HCRTR2: variants seen among roughly 807,000 people sequenced by gnomAD.
The protein encoded by HCRTR2 is hypocretin receptor 2.
A neutral mutation model predicts 49.0 loss-of-function variants in HCRTR2; 22 were observed. That is an observed-to-expected ratio of 0.45 (90% CI 0.32 to 0.64). The LOEUF is 0.64. Among genes scored for constraint, HCRTR2 ranks in the 30% least tolerant of loss-of-function variants. The pLI, the probability that HCRTR2 is intolerant of heterozygous loss-of-function variation, is 0.04. For synonymous variants in HCRTR2, 236 were observed against 205.3 expected (o/e 1.15, Z -1.28); for missense variants, 491 against 559.4 (o/e 0.88, Z 1.23).
At chr6:55,254,682 TC>T (rs1766615653) in intron 2 of HCRTR2, among the ~76,000 whole-genome samples, 1 of 151,966 alleles carries the variant, frequency 6.6e-6, no homozygotes, top group African/African-American at 2.4e-5. Flanking sequence ...ATAATTTCAA[TC>T]AAATTTCTAT....
intron 5 of HCRTR2, 133 bp downstream of exon 5, chr6:55,277,733 C>A: frequency 1.4e-6 from 1 of 718,222 alleles, no homozygotes; most frequent in South Asian, 1.6e-5. Context: ...GGCCAGATGA[C>A]TCAGTTATGT....
At chr6:55,142,200 A>T (rs1561984952) in intron 1 of HCRTR2, among the ~76,000 whole-genome samples, 1 of 151,564 alleles carries the variant, frequency 6.6e-6, no homozygotes, top group East Asian at 1.9e-4. Flanking sequence ...TTTAAAAAAA[A>T]ATTTTTTTTT....
At chr6:55,157,046 A>T (rs1438686109) in intron 1 of HCRTR2, among the ~76,000 whole-genome samples, 4 of 152,140 alleles carry the variant, frequency 2.6e-5, no homozygotes, top group South Asian at 2.1e-4. Context: ...ATTAATCATT[A>T]AAAAAAGGCA....
At chr6:55,215,620 A>C (rs1419055873) in intron 1 of HCRTR2, among the ~76,000 whole-genome samples, 1 of 152,216 alleles carries the variant, frequency 6.6e-6, no homozygotes, top group East Asian at 1.9e-4. Flanking sequence ...TGTAACTATA[A>C]AATTATTAAT....
At chr6:55,194,751 G>A (rs377432858) in intron 1 of HCRTR2, among the ~76,000 whole-genome samples, 2 of 151,966 alleles carry the variant, frequency 1.3e-5, no homozygotes, top group African/African-American at 4.8e-5. Flanking sequence ...AATTATGTGT[G>A]TTTGTCATTC....
At chr6:55,202,628 G>A (rs1391972297) in intron 1 of HCRTR2, among the ~76,000 whole-genome samples, 1 of 152,062 alleles carries the variant, frequency 6.6e-6, no homozygotes, top group Non-Finnish European at 1.5e-5. Context: ...TGATAGAAGG[G>A]GCAAAGGAGC....
upstream of HCRTR2, among the ~76,000 whole-genome samples, chr6:55,173,663 T>C (rs544182468): frequency 5.3e-5 from 8 of 152,310 alleles, no homozygotes; most frequent in South Asian, 1.7e-3. Flanking sequence ...ATTGAGTATA[T>C]TGGTGGTCTG....
chr6:55,203,600 C>T (rs1458784618), intron 1 of HCRTR2, among the ~76,000 whole-genome samples: 3 of 151,980 alleles, frequency 2.0e-5, no homozygotes, highest in South Asian at 2.1e-4. Context: ...AGTACCTGTT[C>T]GGGTATGGGT....
rs142158694 is a variant in HCRTR2 at position 55,152,783 on chromosome 6, G to A, written c.-377-21428G>A. Among the ~76,000 whole-genome samples, 407 of 152,022 alleles carry A rather than the reference G, an allele frequency of 2.7e-3. 2 individuals are homozygous for A. The highest frequency in any genetic ancestry group is 0.01 in the Middle Eastern group (3 of 294). On this transcript the variant is annotated intron_variant, in intron 1 of 7. Transcript: ENST00000615358. ...TCTAGTATCATCACACGGGCAATTA[G>A]CATTTCAACATGTGAATTTTGAGAG...
chr6:55,248,437 G>A (rs1581855598), intron 1 of HCRTR2, among the ~76,000 whole-genome samples: 1 of 152,086 alleles, frequency 6.6e-6, no homozygotes, highest in Non-Finnish European at 1.5e-5. Context: ...ATTGAGAAAT[G>A]TCATGCAAGG....
chr6:55,141,747 A>T (rs1764511018), intron 1 of HCRTR2, among the ~76,000 whole-genome samples: 1 of 152,228 alleles, frequency 6.6e-6, no homozygotes, highest in Non-Finnish European at 1.5e-5. Context: ...ATTTAGAGAA[A>T]TAAGGCAGGA....
chr6:55,142,457 T>A (rs1764521049), intron 1 of HCRTR2, among the ~76,000 whole-genome samples: 1 of 151,400 alleles, frequency 6.6e-6, no homozygotes, highest in Non-Finnish European at 1.5e-5. Flanking sequence ...ATCCACCCGC[T>A]TCGGCCTCTA....
At chr6:55,278,376 G>A (rs936235768) in intron 5 of HCRTR2, among the ~76,000 whole-genome samples, 1 of 152,086 alleles carries the variant, frequency 6.6e-6, no homozygotes, top group African/African-American at 2.4e-5. Flanking sequence ...AACAGGCTTC[G>A]AACTTAAGCT....
intron 1 of HCRTR2, among the ~76,000 whole-genome samples, chr6:55,236,497 C>T (rs1448212631): frequency 1.3e-5 from 2 of 151,932 alleles, no homozygotes; most frequent in Non-Finnish European, 2.9e-5. Flanking sequence ...TAATCCTTTC[C>T]AAACTTCATT....
intron 1 of HCRTR2, among the ~76,000 whole-genome samples, chr6:55,123,734 C>T (rs78050947): frequency 0.043 from 6,541 of 152,142 alleles, 158 homozygotes; most frequent in Non-Finnish European, 0.045. Context: ...TGGTAGAATT[C>T]GGCTGTGAAT....
At chr6:55,138,516 G>A (rs1237804724) in intron 1 of HCRTR2, among the ~76,000 whole-genome samples, 3 of 152,136 alleles carry the variant, frequency 2.0e-5, no homozygotes, top group Non-Finnish European at 2.9e-5. Flanking sequence ...TGCTTGCCAC[G>A]GTAGTCGTAT....
intron 1 of HCRTR2, among the ~76,000 whole-genome samples, chr6:55,112,312 CAAA>C (rs1421358989): frequency 6.6e-6 from 1 of 151,512 alleles, no homozygotes; most frequent in Non-Finnish European, 1.5e-5. Flanking sequence ...GACAAGAGAA[CAAA>C]ATAATGTGAA....
At chr6:55,174,510 C>T, upstream of HCRTR2, 1 of 1,249,906 alleles carries the variant, frequency 8.0e-7, no homozygotes, top group South Asian at 1.2e-5. Flanking sequence ...GCAGCCTTTC[C>T]CACCGCAAAT....
chr6:55,216,655 T>G (rs1179759318), intron 1 of HCRTR2, among the ~76,000 whole-genome samples: 1 of 152,208 alleles, frequency 6.6e-6, no homozygotes, highest in Non-Finnish European at 1.5e-5. Context: ...GGGGAACACA[T>G]TGAGCCACTC....
Sources: allele counts gnomAD v4.1 joint callset (sites outside exome capture counted in the v4.1 genomes callset), GRCh38; gene constraint gnomAD v4.1.1; transcripts MANE v1.5; gene names NCBI Gene and HGNC (gene_info 2026-07-23, HGNC 2026-07-21).